SMYD3: variants seen among roughly 807,000 people sequenced by gnomAD.
SMYD3 encodes SET and MYND domain containing 3, also known as histone-lysine N-methyltransferase SMYD3.
SMYD3 carries 36 observed loss-of-function variants against 57.7 expected under a neutral mutation model. The ratio of observed to expected loss-of-function variants is 0.62; its 90% CI spans 0.48 to 0.82. The LOEUF (loss-of-function observed/expected upper bound fraction) is 0.82, where lower values mean the gene tolerates loss of function less well. Ranked by LOEUF, SMYD3 falls within the 40% of genes least tolerant of loss-of-function variation. The pLI, the probability that SMYD3 is intolerant of heterozygous loss-of-function variation, is 0.00. For synonymous variants in SMYD3, 211 were observed against 195.0 expected (o/e 1.08, Z -0.68); for missense variants, 515 against 538.8 (o/e 0.96, Z 0.44).
rs747295802 is a variant in SMYD3 at position 246,327,182 on chromosome 1, G to C, written c.531+19C>G. 3 of 1,613,514 alleles carry C rather than the reference G, an allele frequency of 1.9e-6. No homozygotes were observed. Among genetic ancestry groups the C allele is most frequent in the Non-Finnish European group, 2.5e-6 (3 of 1,179,900 alleles). ...ATGGTTGATGTATGGAATTAGCAAA[G>C]AGCAAACTTAACACTTACTTTTGCA... On this transcript the variant is annotated intron_variant, in intron 5 of 11. Coordinates refer to ENST00000490107, the MANE Select transcript of SMYD3 (RefSeq NM_001167740.2).
chr1:246,384,541 G>A (rs978202035), intron 1 of SMYD3, among the ~76,000 whole-genome samples: 3 of 152,076 alleles, frequency 2.0e-5, no homozygotes, highest in Non-Finnish European at 2.9e-5. Context: ...GATTACAGGT[G>A]CCCGCCACCA....
intron 8 of SMYD3, among the ~76,000 whole-genome samples, chr1:245,902,124 T>C (rs2054227519): frequency 6.6e-6 from 1 of 152,022 alleles, no homozygotes; most frequent in African/African-American, 2.4e-5. Context: ...TATTCCCCCA[T>C]ATCCACTCAG....
At chr1:246,384,545 G>A (rs993078051) in intron 1 of SMYD3, among the ~76,000 whole-genome samples, 13 of 151,866 alleles carry the variant, frequency 8.6e-5, no homozygotes, top group African/African-American at 2.2e-4. Flanking sequence ...ACAGGTGCCC[G>A]CCACCACGCC....
chr1:246,374,537 A>G (rs2066240865), intron 1 of SMYD3, among the ~76,000 whole-genome samples: 1 of 149,150 alleles, frequency 6.7e-6, no homozygotes, highest in Non-Finnish European at 1.5e-5. Flanking sequence ...ACAGTACCAC[A>G]GTGCTGTCTC....
At chr1:245,965,857 G>C (rs2058131326) in intron 5 of SMYD3, among the ~76,000 whole-genome samples, 1 of 152,082 alleles carries the variant, frequency 6.6e-6, no homozygotes, top group Non-Finnish European at 1.5e-5. Flanking sequence ...CAACACCAAG[G>C]GTGAGCCCTA....
chr1:246,451,996 A>C (rs912729995), intron 1 of SMYD3, among the ~76,000 whole-genome samples: 1 of 152,212 alleles, frequency 6.6e-6, no homozygotes, highest in African/African-American at 2.4e-5. Context: ...AAGTGGCTGT[A>C]AAGAAGCCAC....
At chr1:246,031,500 G>A (rs1452509287) in intron 5 of SMYD3, among the ~76,000 whole-genome samples, 3 of 152,148 alleles carry the variant, frequency 2.0e-5, no homozygotes, top group African/African-American at 7.2e-5. Flanking sequence ...CACTCTGGGA[G>A]GCCGAGGCAG....
At chr1:246,049,576 A>G (rs2060032081) in intron 5 of SMYD3, among the ~76,000 whole-genome samples, 1 of 151,598 alleles carries the variant, frequency 6.6e-6, no homozygotes, top group Non-Finnish European at 1.5e-5. Flanking sequence ...AAGTGCTGGG[A>G]TTACAGGCGT....
chr1:245,787,420 T>C (rs2047091194), intron 10 of SMYD3, among the ~76,000 whole-genome samples: 1 of 152,206 alleles, frequency 6.6e-6, no homozygotes, highest in African/African-American at 2.4e-5. Flanking sequence ...CACTGTGAAG[T>C]AAGCATCGTT....
intron 5 of SMYD3, among the ~76,000 whole-genome samples, chr1:246,269,556 G>GTT (rs2064179641): frequency 9.3e-6 from 1 of 107,490 alleles, no homozygotes; most frequent in Non-Finnish European, 2.0e-5. Flanking sequence ...TTTTTTTTTT[G>GTT]TTTTTGTTGT....
chr1:246,041,994 T>C (rs2059885477), intron 5 of SMYD3, among the ~76,000 whole-genome samples: 1 of 152,200 alleles, frequency 6.6e-6, no homozygotes, highest in African/African-American at 2.4e-5. Context: ...CATTTCATAG[T>C]TGAGAAAATG....
intron 1 of SMYD3, among the ~76,000 whole-genome samples, chr1:246,442,798 T>C (rs2067489947): frequency 6.6e-6 from 1 of 152,036 alleles, no homozygotes; most frequent in South Asian, 2.1e-4. Context: ...CTCAAAGCTT[T>C]TGTGAAATGA....
chr1:245,992,511 G>A (rs1312434341), intron 5 of SMYD3, among the ~76,000 whole-genome samples: 2 of 152,176 alleles, frequency 1.3e-5, no homozygotes, highest in African/African-American at 2.4e-5. Flanking sequence ...GGGGCCTGGA[G>A]TAGCCATGGA....
intron 5 of SMYD3, among the ~76,000 whole-genome samples, chr1:246,002,248 G>T (rs781316956): frequency 7.1e-6 from 1 of 141,118 alleles, no homozygotes; most frequent in Non-Finnish European, 1.6e-5. Context: ...GCTGTGGCGC[G>T]ATCTCGGCTC....
intron 10 of SMYD3, among the ~76,000 whole-genome samples, chr1:245,799,502 C>T (rs928342701): frequency 2.7e-4 from 17 of 63,116 alleles, no homozygotes; most frequent in African/African-American, 7.1e-4. Flanking sequence ...GACTCGAATG[C>T]GTGAAGTCTG....
At chr1:246,338,604 T>C (rs992436450) in intron 2 of SMYD3, among the ~76,000 whole-genome samples, 1 of 152,090 alleles carries the variant, frequency 6.6e-6, no homozygotes, top group Non-Finnish European at 1.5e-5. Flanking sequence ...ACAAAGGAAA[T>C]TAAAATACTA....
chr1:246,131,609 C>T (rs911261115), intron 5 of SMYD3, among the ~76,000 whole-genome samples: 2 of 152,168 alleles, frequency 1.3e-5, no homozygotes, highest in African/African-American at 4.8e-5. Flanking sequence ...AGAGACAGAA[C>T]ATAAATTTCG....
At chr1:245,921,572 C>CACACAT (rs1454246758) in intron 7 of SMYD3, among the ~76,000 whole-genome samples, 13 of 139,994 alleles carry the variant, frequency 9.3e-5, no homozygotes, top group African/African-American at 3.3e-4. Flanking sequence ...TATATATATA[C>CACACAT]ACATACCATG....
At chr1:246,237,124 T>A (rs947807980) in intron 5 of SMYD3, among the ~76,000 whole-genome samples, 2 of 152,304 alleles carry the variant, frequency 1.3e-5, no homozygotes, top group Middle Eastern at 3.4e-3. Context: ...TTAATTCTTG[T>A]CATAGAAACA....
Sources: gnomAD v4.1 joint callset for allele counts (sites outside exome capture counted in the v4.1 genomes callset) on GRCh38, gnomAD v4.1.1 for gene constraint, MANE v1.5 for transcripts, NCBI Gene and HGNC (gene_info 2026-07-23, HGNC 2026-07-21) for gene names.